Variants in GREB1L observed in about 807,000 individuals in gnomAD.
GREB1L encodes GREB1-like protein.
Under a neutral mutation model 200.8 loss-of-function variants are expected in GREB1L, and 17 were observed. That is an observed-to-expected ratio of 0.08 (90% confidence interval 0.06 to 0.13). The LOEUF is 0.13. GREB1L is among the 10% of genes least tolerant of loss of function. The pLI, the probability that GREB1L is intolerant of heterozygous loss-of-function variation, is 1.00. For synonymous variants in GREB1L, 789 were observed against 893.0 expected (o/e 0.88, Z 2.08); for missense variants, 1,657 against 2,367.7 (o/e 0.70, Z 6.23).
intron 15 of GREB1L, among the ~76,000 whole-genome samples, chr18:21,469,874 A>G (rs1199438987): frequency 6.6e-6 from 1 of 152,232 alleles, no homozygotes; most frequent in Non-Finnish European, 1.5e-5. Context: ...TAACAAAGAA[A>G]TTCTTAATTT....
intron 17 of GREB1L, among the ~76,000 whole-genome samples, chr18:21,479,681 A>AG (rs113814708): frequency 7.3e-5 from 11 of 151,520 alleles, no homozygotes; most frequent in South Asian, 4.2e-4. Flanking sequence ...CCTGTCTCAA[A>AG]AAAAAAAAAA....
intron 23 of GREB1L, among the ~76,000 whole-genome samples, chr18:21,502,428 T>C (rs2036836546): frequency 6.6e-6 from 1 of 152,116 alleles, no homozygotes; most frequent in South Asian, 2.1e-4. Flanking sequence ...TGGCATCATC[T>C]ACCAAATTAG....
chr18:21,498,887 A>G (rs1025605396), intron 21 of GREB1L, among the ~76,000 whole-genome samples: 11 of 152,260 alleles, frequency 7.2e-5, no homozygotes, highest in African/African-American at 2.2e-4. Context: ...CAAGGTTGGG[A>G]TTCGACCTCC....
chr18:21,370,281 A>T (rs936271217), intron 2 of GREB1L, among the ~76,000 whole-genome samples: 2 of 152,140 alleles, frequency 1.3e-5, no homozygotes, highest in African/African-American at 2.4e-5. Flanking sequence ...AAAACTCACA[A>T]TCTATTGGGG....
intron 1 of GREB1L, among the ~76,000 whole-genome samples, chr18:21,308,625 GTC>G (rs2038741256): frequency 6.6e-6 from 1 of 152,176 alleles, no homozygotes; most frequent in South Asian, 2.1e-4. Context: ...GCCTGCCGGT[GTC>G]TCTCACTCTC....
chr18:21,485,730 A>C lies in GREB1L; in HGVS notation c.2667A>C (p.Lys889Asn). The C allele has an allele frequency of 6.4e-7, 1 of 1,551,610 alleles. No homozygotes were observed. Among genetic ancestry groups the C allele is most frequent in the South Asian group, 1.2e-5 (1 of 84,054 alleles). Reference sequence around the variant, plus strand: ...TGAGATGTGACGAGACTTTTGAAAAAATGGTGAACACACTCTTGGAGAGGT... The same window carrying C: ...TGAGATGTGACGAGACTTTTGAAAACATGGTGAACACACTCTTGGAGAGGT... ...PLLRCDETFE[K>N]MVNTLLERYP... Residue 889 changes from lysine (K) to asparagine (N), a missense_variant, in exon 18 of 33, where the codon AAA (lysine) becomes AAC (asparagine). Lys to Asn is a moderately conservative substitution (Grantham distance 94). Around this residue, in one of 9 missense-constraint regions of GREB1L, gnomAD observed 82 missense variants for 95.9 expected, o/e 0.85. Coordinates refer to ENST00000424526, the MANE Select transcript of GREB1L (RefSeq NM_001142966.3).
chr18:21,328,330 C>T (rs1218291504), intron 1 of GREB1L, among the ~76,000 whole-genome samples: 1 of 152,118 alleles, frequency 6.6e-6, no homozygotes, highest in African/African-American at 2.4e-5. Context: ...TGCATTGAAT[C>T]GAGTGAAATA....
intron 11 of GREB1L, among the ~76,000 whole-genome samples, chr18:21,444,801 C>G (rs146844795): frequency 6.6e-6 from 1 of 152,338 alleles, no homozygotes; most frequent in African/African-American, 2.4e-5. Flanking sequence ...CAGCCATTGT[C>G]TTAAACAATT....
chr18:21,307,803 T>G (rs996023023), intron 1 of GREB1L, among the ~76,000 whole-genome samples: 9 of 152,224 alleles, frequency 5.9e-5, no homozygotes, highest in Admixed American at 5.9e-4. Context: ...TCCCTCCTTG[T>G]GGGGTTGCCT....
At chr18:21,514,874 G>A (rs1330285719) in intron 28 of GREB1L, among the ~76,000 whole-genome samples, 1 of 152,150 alleles carries the variant, frequency 6.6e-6, no homozygotes, top group East Asian at 1.9e-4. Context: ...ATTGCTAGGG[G>A]GTGCTGGTCG....
In GREB1L at chr18:21,490,143, A is replaced by G. The variant is rs1240087893; in HGVS notation, c.2822A>G (p.Asp941Gly). 3.2e-6 allele frequency: 5 copies of G among 1,551,780 alleles called. No homozygotes were observed. The South Asian group carries it at 4.8e-5, about 15-fold the overall frequency. Residue 941 changes from aspartate (D) to glycine (G), a missense_variant, in exon 19 of 33, where the codon GAT becomes GGT. By Grantham distance (94) the Asp-to-Gly change is moderately conservative. Around this residue, in one of 9 missense-constraint regions of GREB1L, gnomAD observed 82 missense variants for 95.9 expected, o/e 0.85. Coordinates refer to ENST00000424526, the MANE Select transcript of GREB1L (RefSeq NM_001142966.3). Reference sequence around the variant, plus strand: ...ACACCAGAAACACTCAGCATTATGGATGACCTCATCAGCTCCCCAGGCAAA... The same window carrying G: ...ACACCAGAAACACTCAGCATTATGGGTGACCTCATCAGCTCCCCAGGCAAA... ...HSTPETLSIMDDLISSPGKNK... is the reference protein window; with the variant it reads ...HSTPETLSIMGDLISSPGKNK...
At chr18:21,502,720 C>T (rs1036192390) in intron 23 of GREB1L, among the ~76,000 whole-genome samples, 7 of 152,192 alleles carry the variant, frequency 4.6e-5, no homozygotes, top group African/African-American at 1.4e-4. Flanking sequence ...CCCCAAGGCC[C>T]CCAGAAAGAG....
At chr18:21,356,831 A>G (rs1012674723) in intron 1 of GREB1L, among the ~76,000 whole-genome samples, 4 of 152,052 alleles carry the variant, frequency 2.6e-5, no homozygotes, top group South Asian at 2.1e-4. Flanking sequence ...CCTCTCCAAC[A>G]CCTGTTATCT....
intron 5 of GREB1L, among the ~76,000 whole-genome samples, chr18:21,398,213 T>C (rs921765598): frequency 6.6e-6 from 1 of 152,192 alleles, no homozygotes; most frequent in Non-Finnish European, 1.5e-5. Context: ...AGAACTGTGT[T>C]CTAATCCCAG....
At chr18:21,356,445 TA>T (rs2039505511) in intron 1 of GREB1L, among the ~76,000 whole-genome samples, 1 of 152,188 alleles carries the variant, frequency 6.6e-6, no homozygotes, top group Non-Finnish European at 1.5e-5. Flanking sequence ...TGTGCCTGGT[TA>T]TTTCACTTAA....
At chr18:21,521,452 G>T (rs1251525199) in intron 32 of GREB1L, among the ~76,000 whole-genome samples, 1 of 152,078 alleles carries the variant, frequency 6.6e-6, no homozygotes, top group Non-Finnish European at 1.5e-5. Context: ...TGACCTTTGA[G>T]ATCAGTGAAG....
chr18:21,508,855 G>C (rs1056882933), intron 27 of GREB1L: 9 of 503,140 alleles, frequency 1.8e-5, no homozygotes, highest in African/African-American at 1.7e-4. Flanking sequence ...CCCTGGGAAG[G>C]TTTGGGATTC....
chr18:21,412,934 GTAA>G (rs1433097445), intron 7 of GREB1L, among the ~76,000 whole-genome samples: 1 of 152,092 alleles, frequency 6.6e-6, no homozygotes, highest in African/African-American at 2.4e-5. Flanking sequence ...ATGCTATGGT[GTAA>G]TAATAATGTT....
intron 7 of GREB1L, among the ~76,000 whole-genome samples, chr18:21,406,448 T>C (rs999728153): frequency 6.6e-6 from 1 of 152,216 alleles, no homozygotes; most frequent in African/African-American, 2.4e-5. Context: ...GAAAATGTAA[T>C]AAAAGAAAGT....
Sources: allele counts gnomAD v4.1 joint callset (sites outside exome capture counted in the v4.1 genomes callset), GRCh38; gene constraint gnomAD v4.1.1; regional missense constraint gnomAD v4.1.1; transcripts MANE v1.5; gene names NCBI Gene and HGNC (gene_info 2026-07-23, HGNC 2026-07-21).